The following JAK1 variants were observed in gnomAD, a reference collection of about 807,000 sequenced individuals.
JAK1 encodes the protein tyrosine-protein kinase JAK1.
Under a neutral mutation model 136.6 loss-of-function variants are expected in JAK1, and 16 were observed. That is an observed-to-expected ratio of 0.12 (90% CI 0.08 to 0.18). The LOEUF is 0.18. Ranked by LOEUF, JAK1 falls within the 10% of genes least tolerant of loss-of-function variation. The pLI, the probability that JAK1 is intolerant of heterozygous loss-of-function variation, is 1.00. For missense variants in JAK1, 859 were observed against 1,450.1 expected, an observed-to-expected ratio of 0.59 and a Z score of 6.62; for synonymous variants, 492 against 519.5, an observed-to-expected ratio of 0.95 and a Z score of 0.72.
chr1:64,840,545 G>C (rs1426599645), intron 19 of JAK1, among the ~76,000 whole-genome samples: 4 of 152,218 alleles, frequency 2.6e-5, no homozygotes, highest in Non-Finnish European at 5.9e-5. Flanking sequence ...CTGCTCTAAA[G>C]AGCCTTACAG....
chr1:64,913,351 T>A (rs1208844294), intron 1 of JAK1, among the ~76,000 whole-genome samples: 1 of 152,092 alleles, frequency 6.6e-6, no homozygotes, highest in Non-Finnish European at 1.5e-5. Flanking sequence ...ATGACCACCC[T>A]ACTGACAGCA....
chr1:65,051,485 T>C (rs1360278783), intron 1 of JAK1, among the ~76,000 whole-genome samples: 1 of 152,084 alleles, frequency 6.6e-6, no homozygotes, highest in African/African-American at 2.4e-5. Context: ...CCCGGGTTGA[T>C]CACAGGTAGA....
rs369426475 is a variant in JAK1, at chr1:65,018,044, C to T, written c.-78+26436G>A. ...GGCGCTGGTCTCGAACTCCTGATCT[C>T]GGGTGATCCTCCCGCCTCAGCCTCC... On this transcript the variant is annotated intron_variant, in intron 2 of 25. Coordinates refer to the JAK1 transcript ENST00000671954. Among the ~76,000 whole-genome samples, 22 of 152,180 alleles carry T rather than the reference C, an allele frequency of 1.4e-4. 1 individual carries two copies. The highest frequency in any genetic ancestry group is 3.9e-4 in the Admixed American group (6 of 15,270).
chr1:64,996,986 A>T (rs1329538919), intron 2 of JAK1, among the ~76,000 whole-genome samples: 22 of 152,198 alleles, frequency 1.4e-4, no homozygotes. Context: ...AATAATTTAT[A>T]TCCACAGTTG....
chr1:64,867,214 A>C lies in JAK1; in HGVS notation c.648-6T>G, dbSNP rs1656761492. On this transcript the variant is annotated splice_region_variant and splice_polypyrimidine_tract_variant and intron_variant, in intron 6 of 24. Coordinates refer to ENST00000342505, the MANE Select transcript of JAK1 (RefSeq NM_002227.4). Reference sequence around the variant, plus strand: ...CTGGAATATATCGCTTGTAGCTAAAAGACAGTAGAAAAGTACATCTCCTTT... The same window carrying C: ...CTGGAATATATCGCTTGTAGCTAAACGACAGTAGAAAAGTACATCTCCTTT... 6.3e-7 allele frequency: 1 copy of C among 1,577,014 alleles called. No homozygotes were observed.
intron 11 of JAK1, among the ~76,000 whole-genome samples, chr1:64,852,559 C>T (rs1328105800): frequency 2.6e-5 from 4 of 152,110 alleles, no homozygotes; most frequent in Non-Finnish European, 5.9e-5. Flanking sequence ...GAAGGGGCCC[C>T]GTGGCTGGTG....
Position 64,855,522 on chromosome 1 carries a change from C to G in JAK1, c.1635G>C (p.Gln545His). 6.2e-7 allele frequency: 1 copy of G among 1,613,904 alleles called. No individual in the cohort carries two copies. Among genetic ancestry groups the G allele is most frequent in the Non-Finnish European group, 8.5e-7 (1 of 1,179,886 alleles). Residue 545 changes from glutamine to histidine, a missense_variant, in exon 11 of 25, where the codon CAG (glutamine) becomes CAC (histidine). Around this residue, in one of 4 missense-constraint regions of JAK1, gnomAD observed 409 missense variants for 753.8 expected, o/e 0.54. Coordinates refer to ENST00000342505, the MANE Select transcript of JAK1 (RefSeq NM_002227.4). The stretch of plus-strand genomic sequence containing the variant: ...AGGGAGACGAACCTCGGGGCTTGGG[C>G]TGGCAGCAGCGTTTTAGCATGAAGC... ...NISFMLKRCC[Q>H]PKPREISNLL...
chr1:64,957,788 C>T (rs1216512721), intron 1 of JAK1, among the ~76,000 whole-genome samples: 2 of 152,020 alleles, frequency 1.3e-5, no homozygotes, highest in Non-Finnish European at 2.9e-5. Flanking sequence ...ACTAAAAATA[C>T]AAAAAATTAG....
chr1:64,903,489 T>C (rs1281383406), intron 1 of JAK1, among the ~76,000 whole-genome samples: 1 of 152,206 alleles, frequency 6.6e-6, no homozygotes. Flanking sequence ...GGTGAGCTTC[T>C]AATACAAATG....
chr1:65,043,435 T>A (rs1161636038), intron 2 of JAK1, among the ~76,000 whole-genome samples: 1 of 152,112 alleles, frequency 6.6e-6, no homozygotes, highest in East Asian at 1.9e-4. Flanking sequence ...CAAAAACCTA[T>A]ACCACAATTT....
intron 2 of JAK1, among the ~76,000 whole-genome samples, chr1:64,986,950 G>A (rs1036550011): frequency 2.0e-5 from 3 of 152,010 alleles, no homozygotes; most frequent in African/African-American, 7.3e-5. Flanking sequence ...TTATAAAGTT[G>A]ATTATTATTT....
At chr1:64,946,290 CTA>C (rs1287099897) in intron 1 of JAK1, among the ~76,000 whole-genome samples, 1 of 152,122 alleles carries the variant, frequency 6.6e-6, no homozygotes, top group Non-Finnish European at 1.5e-5. Flanking sequence ...CTACCACTGG[CTA>C]TGTGTTCTGC....
At chr1:65,060,874 A>G (rs1187466280) in intron 1 of JAK1, among the ~76,000 whole-genome samples, 1 of 152,222 alleles carries the variant, frequency 6.6e-6, no homozygotes. Flanking sequence ...TAAGAACTGA[A>G]CTGTCTAAAT....
At chr1:64,966,971 A>T (rs1646397927), upstream of JAK1, among the ~76,000 whole-genome samples, 1 of 152,068 alleles carries the variant, frequency 6.6e-6, no homozygotes, top group Non-Finnish European at 1.5e-5. Flanking sequence ...CTAGTGGAGC[A>T]CTAGACTAAA....
intron 1 of JAK1, among the ~76,000 whole-genome samples, chr1:64,964,572 T>C (rs1297408282): frequency 6.6e-6 from 1 of 152,206 alleles, no homozygotes; most frequent in Non-Finnish European, 1.5e-5. Context: ...TTCCCAATGG[T>C]AGTAAATAAT....
chr1:64,858,216 G>C (rs1165122158), intron 9 of JAK1, among the ~76,000 whole-genome samples: 4 of 152,220 alleles, frequency 2.6e-5, no homozygotes, highest in South Asian at 2.1e-4. Context: ...CTCACACTGA[G>C]AGAATACATC....
intron 2 of JAK1, among the ~76,000 whole-genome samples, chr1:64,982,114 GCACACACACGCACA>G (rs2100698146): frequency 6.7e-6 from 1 of 150,296 alleles, no homozygotes; most frequent in African/African-American, 2.4e-5. Context: ...ACACACACAC[GCACACACACGCACA>G]CACACACACA....
chr1:65,033,536 T>C (rs1236286774), intron 2 of JAK1, among the ~76,000 whole-genome samples: 2 of 151,914 alleles, frequency 1.3e-5, no homozygotes, highest in Admixed American at 1.3e-4. Flanking sequence ...TCTTAAATTA[T>C]ATAGTATCTG....
chr1:65,021,625 T>A (rs1297770561), intron 2 of JAK1, among the ~76,000 whole-genome samples: 1 of 152,166 alleles, frequency 6.6e-6, no homozygotes, highest in Non-Finnish European at 1.5e-5. Flanking sequence ...GTTCATTGAA[T>A]CCCTGAGTTC....
Sources: gnomAD v4.1 joint callset for allele counts (sites outside exome capture counted in the v4.1 genomes callset) on GRCh38, gnomAD v4.1.1 for gene constraint, gnomAD v4.1.1 regional missense constraint, MANE v1.5 for transcripts, NCBI Gene and HGNC (gene_info 2026-07-23, HGNC 2026-07-21) for gene names.